The following PDE1C variants were observed in gnomAD, a reference collection of about 807,000 sequenced individuals.
PDE1C encodes the protein phosphodiesterase 1C, also known as dual specificity calcium/calmodulin-dependent 3',5'-cyclic nucleotide phosphodiesterase 1C.
PDE1C carries 62 observed loss-of-function variants against 93.1 expected under a neutral mutation model. The observed-to-expected ratio is 0.67, with a 90% CI of 0.54 to 0.82. The LOEUF (loss-of-function observed/expected upper bound fraction) is 0.82. Among genes scored for constraint, PDE1C ranks in the 40% least tolerant of loss-of-function variants. The pLI, the probability that PDE1C is intolerant of heterozygous loss-of-function variation, is 0.00. For synonymous variants in PDE1C, 325 were observed against 310.1 expected (o/e 1.05, Z -0.50); for missense variants, 742 against 884.6 (o/e 0.84, Z 2.04).
chr7:32,325,354 G>A (rs921062058), intron 1 of PDE1C, among the ~76,000 whole-genome samples: 1 of 152,040 alleles, frequency 6.6e-6, no homozygotes, highest in Non-Finnish European at 1.5e-5. Context: ...TTCTCAACAA[G>A]GCCACTGCCT....
chr7:32,265,276 T>G (rs1810491288), intron 1 of PDE1C, among the ~76,000 whole-genome samples: 1 of 152,178 alleles, frequency 6.6e-6, no homozygotes. Context: ...TGAGTGAAGC[T>G]GCTCTATCCT....
intron 2 of PDE1C, among the ~76,000 whole-genome samples, chr7:31,928,521 G>C (rs1022587209): frequency 6.6e-6 from 1 of 152,164 alleles, no homozygotes; most frequent in Non-Finnish European, 1.5e-5. Flanking sequence ...AAATGTTAAG[G>C]GCAGCCAGAC....
the PDE1C span, among the ~76,000 whole-genome samples, chr7:31,657,959 C>A: frequency 6.6e-6 from 1 of 152,280 alleles, no homozygotes; most frequent in East Asian, 1.9e-4. Flanking sequence ...CAGGATCCTA[C>A]CCTGTATTAA....
chr7:31,715,003 G>T, the PDE1C span, among the ~76,000 whole-genome samples: 1 of 152,138 alleles, frequency 6.6e-6, no homozygotes. Flanking sequence ...TTTATAAGAT[G>T]CTGGATTATC....
intron 13 of PDE1C, 28 bp from the exon 14 acceptor site, chr7:31,823,276 AAG>A: frequency 6.3e-7 from 1 of 1,591,604 alleles, no homozygotes; most frequent in Non-Finnish European, 8.5e-7. Context: ...CATACCAAAG[AAG>A]AGAGTTAGTG....
chr7:32,089,687 A>G (rs1004790320), intron 3 of PDE1C, among the ~76,000 whole-genome samples: 5 of 152,206 alleles, frequency 3.3e-5, no homozygotes, highest in African/African-American at 4.8e-5. Context: ...CAGGGAGTGC[A>G]TACTGCACAG....
chr7:32,359,908 A>G (rs1186779594), intron 1 of PDE1C, among the ~76,000 whole-genome samples: 2 of 152,156 alleles, frequency 1.3e-5, no homozygotes, highest in Admixed American at 6.5e-5. Flanking sequence ...CCCATCCAGG[A>G]AGTCTCCAAT....
chr7:32,035,219 A>G (rs558954041), intron 2 of PDE1C, among the ~76,000 whole-genome samples: 1 of 152,186 alleles, frequency 6.6e-6, no homozygotes, highest in South Asian at 2.1e-4. Flanking sequence ...AAACGCCTCC[A>G]CAACCAGAGA....
chr7:32,088,242 T>C (rs1797240752), intron 3 of PDE1C, among the ~76,000 whole-genome samples: 1 of 152,122 alleles, frequency 6.6e-6, no homozygotes, highest in Non-Finnish European at 1.5e-5. Flanking sequence ...CTGCAGAACA[T>C]TTCAAGGCAA....
intron 7 of PDE1C, among the ~76,000 whole-genome samples, chr7:31,863,896 G>C (rs1434218833): frequency 6.6e-6 from 1 of 152,082 alleles, no homozygotes; most frequent in Non-Finnish European, 1.5e-5. Context: ...ACTGTATCTA[G>C]CTCCAAAGCC....
At chr7:31,652,877 C>T in the PDE1C span, 1 of 1,567,010 alleles carries the variant, frequency 6.4e-7, no homozygotes, top group Non-Finnish European at 8.7e-7. Context: ...AGGCCCAGAA[C>T]AGATGTAGCA....
chr7:32,174,742 T>C (rs964136072), intron 2 of PDE1C, among the ~76,000 whole-genome samples: 1 of 151,852 alleles, frequency 6.6e-6, no homozygotes, highest in Non-Finnish European at 1.5e-5. Flanking sequence ...TTGAGCAAGG[T>C]TGTGGTGACA....
the PDE1C span, among the ~76,000 whole-genome samples, chr7:31,625,865 A>G: frequency 1.3e-5 from 2 of 152,120 alleles, no homozygotes. Flanking sequence ...ATAAATGCTT[A>G]AAATAAAGTG....
At chr7:31,711,829 TCTC>T in the PDE1C span, among the ~76,000 whole-genome samples, 1 of 152,146 alleles carries the variant, frequency 6.6e-6, no homozygotes, top group Non-Finnish European at 1.5e-5. Flanking sequence ...CTGAAGATCT[TCTC>T]CTTGCTTAGA....
At chr7:31,715,245 C>CTTT in the PDE1C span, among the ~76,000 whole-genome samples, 1 of 146,890 alleles carries the variant, frequency 6.8e-6, no homozygotes. Context: ...GTAAAGGCCT[C>CTTT]TTTTTTTTTT....
intron 2 of PDE1C, among the ~76,000 whole-genome samples, chr7:32,206,218 G>T (rs116285451): frequency 3.3e-5 from 5 of 152,066 alleles, no homozygotes; most frequent in African/African-American, 1.2e-4. Context: ...ATTCTGGGGG[G>T]ATTTGGGGAT....
intron 1 of PDE1C, among the ~76,000 whole-genome samples, chr7:32,342,194 T>C (rs573931121): frequency 6.6e-6 from 1 of 152,332 alleles, no homozygotes; most frequent in Admixed American, 6.5e-5. Flanking sequence ...CAACAGGTAT[T>C]GATAGAGTCC....
chr7:32,331,765 A>G (rs1783520567), intron 1 of PDE1C, among the ~76,000 whole-genome samples: 1 of 152,182 alleles, frequency 6.6e-6, no homozygotes, highest in Non-Finnish European at 1.5e-5. Flanking sequence ...AAAGGGAAAT[A>G]ACTCCCAAGT....
chr7:32,127,288 C>T (rs375996519), intron 3 of PDE1C, among the ~76,000 whole-genome samples: 4 of 152,126 alleles, frequency 2.6e-5, no homozygotes, highest in African/African-American at 9.7e-5. Flanking sequence ...TATAATAAAT[C>T]TCTTTCTATA....
Sources: gnomAD v4.1 joint callset for allele counts (sites outside exome capture counted in the v4.1 genomes callset) on GRCh38, gnomAD v4.1.1 for gene constraint, MANE v1.5 for transcripts, NCBI Gene and HGNC (gene_info 2026-07-23, HGNC 2026-07-21) for gene names.